Variants in BTBD9 observed in about 807,000 individuals in gnomAD.
BTBD9 encodes the protein BTB/POZ domain-containing protein 9.
Under a neutral mutation model 64.3 loss-of-function variants are expected in BTBD9, and 49 were observed. The observed-to-expected ratio is 0.76, with a 90% confidence interval of 0.61 to 0.97. BTBD9 has a LOEUF of 0.97. Among genes scored for constraint, BTBD9 ranks in the 50% least tolerant of loss-of-function variants. The pLI is 0.00. For synonymous variants in BTBD9, 260 were observed against 274.7 expected (o/e 0.95, Z 0.53); for missense variants, 598 against 762.1 (o/e 0.78, Z 2.53).
intron 6 of BTBD9, among the ~76,000 whole-genome samples, chr6:38,442,613 T>G (rs540296590): frequency 6.6e-6 from 1 of 150,588 alleles, no homozygotes; most frequent in East Asian, 2.0e-4. Context: ...ATGTCCCTCC[T>G]GTGAAGAAGG....
At chr6:38,253,228 A>G (rs981560247) in intron 9 of BTBD9, among the ~76,000 whole-genome samples, 29 of 152,256 alleles carry the variant, frequency 1.9e-4, no homozygotes, top group African/African-American at 6.3e-4. Context: ...ACTGATAAAC[A>G]AAGAGCTTTA....
At chr6:38,190,658 A>G (rs1762033668) in intron 10 of BTBD9, among the ~76,000 whole-genome samples, 1 of 152,088 alleles carries the variant, frequency 6.6e-6, no homozygotes, top group Non-Finnish European at 1.5e-5. Context: ...ATCTCCACCA[A>G]AGTGGTTGGG....
chr6:38,228,351 C>CAAAAAA (rs1554130232), intron 9 of BTBD9, among the ~76,000 whole-genome samples: 1 of 28,322 alleles, frequency 3.5e-5, no homozygotes, highest in Non-Finnish European at 6.6e-5. Context: ...TCCCCCCCCC[C>CAAAAAA]AAAAAAAAAA....
At chr6:38,456,982 G>A (rs1022135602) in intron 6 of BTBD9, among the ~76,000 whole-genome samples, 1 of 152,196 alleles carries the variant, frequency 6.6e-6, no homozygotes, top group African/African-American at 2.4e-5. Context: ...AGTCTCTGAG[G>A]TGATATTTAA....
chr6:38,519,445 G>C (rs1433720855), intron 6 of BTBD9, among the ~76,000 whole-genome samples: 17 of 152,194 alleles, frequency 1.1e-4, no homozygotes, highest in Admixed American at 1.1e-3. Flanking sequence ...GACAGATGAA[G>C]ACAGGCTGAT....
At chr6:38,318,023 C>T (rs1763089703) in intron 7 of BTBD9, among the ~76,000 whole-genome samples, 1 of 150,818 alleles carries the variant, frequency 6.6e-6, no homozygotes, top group Non-Finnish European at 1.5e-5. Flanking sequence ...CAACTTCCAC[C>T]TCCTGGGTTC....
chr6:38,415,902 C>T (rs1313756119), intron 6 of BTBD9, among the ~76,000 whole-genome samples: 1 of 151,990 alleles, frequency 6.6e-6, no homozygotes, highest in East Asian at 1.9e-4. Flanking sequence ...CTTCAAATGG[C>T]TCCTCACTGA....
intron 6 of BTBD9, among the ~76,000 whole-genome samples, chr6:38,397,263 C>T (rs982070434): frequency 6.6e-6 from 1 of 152,092 alleles, no homozygotes; most frequent in African/African-American, 2.4e-5. Context: ...CATAATATTT[C>T]TATTGGACAG....
intron 7 of BTBD9, among the ~76,000 whole-genome samples, chr6:38,330,142 C>A (rs554465790): frequency 6.6e-6 from 1 of 151,880 alleles, no homozygotes; most frequent in East Asian, 1.9e-4. Context: ...GCAACCTGCA[C>A]CTCCTGGGTT....
At chr6:38,198,030 TAAA>T (rs971468223) in intron 9 of BTBD9, among the ~76,000 whole-genome samples, 2 of 152,166 alleles carry the variant, frequency 1.3e-5, no homozygotes, top group African/African-American at 4.8e-5. Flanking sequence ...TTGATTAAAA[TAAA>T]AAAGACTTGA....
intron 7 of BTBD9, among the ~76,000 whole-genome samples, chr6:38,314,601 T>C (rs1762965792): frequency 1.3e-5 from 2 of 152,134 alleles, no homozygotes; most frequent in South Asian, 4.1e-4. Flanking sequence ...GGCTTTTCTT[T>C]ATTTCTTTCT....
intron 9 of BTBD9, among the ~76,000 whole-genome samples, chr6:38,249,248 A>G (rs1212949314): frequency 6.6e-6 from 1 of 151,858 alleles, no homozygotes; most frequent in African/African-American, 2.4e-5. Flanking sequence ...GCCATGAGTG[A>G]TCTTCTTTCT....
chr6:38,475,667 G>A (rs1770846867), intron 6 of BTBD9, among the ~76,000 whole-genome samples: 1 of 152,176 alleles, frequency 6.6e-6, no homozygotes, highest in Non-Finnish European at 1.5e-5. Context: ...GAATGAACAA[G>A]TTATTCCAAT....
chr6:38,190,837 G>A, intron 10 of BTBD9, among the ~76,000 whole-genome samples: 1 of 152,158 alleles, frequency 6.6e-6, no homozygotes, highest in East Asian at 1.9e-4. Context: ...TTGGGACCTA[G>A]GGCAGCCCTA....
intron 4 of BTBD9, among the ~76,000 whole-genome samples, chr6:38,582,412 T>A (rs1419613132): frequency 2.0e-5 from 3 of 152,200 alleles, no homozygotes; most frequent in Admixed American, 6.5e-5. Context: ...TATTATTACA[T>A]CCATTTCACA....
At chr6:38,297,143 G>A (rs574652049) in intron 7 of BTBD9, among the ~76,000 whole-genome samples, 3 of 152,118 alleles carry the variant, frequency 2.0e-5, no homozygotes, top group Non-Finnish European at 4.4e-5. Context: ...TGAGGTGGGC[G>A]GATCACAAGG....
chr6:38,591,589 C>A (rs1582685136), intron 4 of BTBD9, among the ~76,000 whole-genome samples: 1 of 152,288 alleles, frequency 6.6e-6, no homozygotes, highest in East Asian at 1.9e-4. Flanking sequence ...AGCCAAACTA[C>A]ATAGGTTTGA....
At chr6:38,556,116 G>A (rs918301134) in intron 6 of BTBD9, among the ~76,000 whole-genome samples, 3 of 152,172 alleles carry the variant, frequency 2.0e-5, no homozygotes, top group Admixed American at 6.5e-5. Context: ...CATCATATAC[G>A]AAAGGCCACA....
chr6:38,392,519 A>AAGC (rs1766465930), intron 6 of BTBD9, among the ~76,000 whole-genome samples: 1 of 146,404 alleles, frequency 6.8e-6, no homozygotes, highest in Admixed American at 6.9e-5. Flanking sequence ...AGCGTCTACT[A>AAGC]TACCAAAGAC....
Sources: gnomAD v4.1 joint callset for allele counts (sites outside exome capture counted in the v4.1 genomes callset) on GRCh38, gnomAD v4.1.1 for gene constraint, MANE v1.5 for transcripts, NCBI Gene and HGNC (gene_info 2026-07-23, HGNC 2026-07-21) for gene names.